Variants in LRRIQ1 observed in about 807,000 individuals in gnomAD.
The protein encoded by LRRIQ1 is leucine rich repeats and IQ motif containing 1.
LRRIQ1 carries 210 observed loss-of-function variants against 211.9 expected under a neutral mutation model. The observed-to-expected ratio is 0.99, with a 90% CI of 0.89 to 1.11. LRRIQ1 has a LOEUF of 1.11. Ranked by LOEUF, LRRIQ1 falls within the 50% of genes most tolerant of loss-of-function variation. LRRIQ1 has a pLI of 0.00. For missense variants in LRRIQ1, 2,136 were observed against 1,939.5 expected (o/e 1.10, Z -1.90); for synonymous variants, 699 against 650.1 (o/e 1.08, Z -1.14).
intron 3 of LRRIQ1, among the ~76,000 whole-genome samples, chr12:85,042,326 A>G (rs546972453): frequency 1.3e-5 from 2 of 150,910 alleles, no homozygotes; most frequent in Admixed American, 1.3e-4. Context: ...GAATAAAGTA[A>G]TTTTCCCAGA....
intron 14 of LRRIQ1, 119 bp from the exon 15 acceptor site, chr12:85,106,383 AAAGCATATAGCATTCTGCAG>A: frequency 1.7e-6 from 1 of 605,078 alleles, no homozygotes; most frequent in South Asian, 2.3e-5. Flanking sequence ...TCTTCTTTAA[AAAGCATATAGCATTCTGCAG>A]AAGAAATAAA....
chr12:85,068,890 G>T (rs1349886445), intron 10 of LRRIQ1, among the ~76,000 whole-genome samples: 1 of 149,978 alleles, frequency 6.7e-6, no homozygotes, highest in Non-Finnish European at 1.5e-5. Context: ...TAGTTTCAAT[G>T]AAATTGTTTC....
rs111406937 is a variant in LRRIQ1 at position 85,051,602 on chromosome 12, T to A, written c.679-575T>A. Among the ~76,000 whole-genome samples, 587 of 152,298 alleles carry A rather than the reference T, an allele frequency of 3.9e-3. 4 individuals are homozygous for A. Among genetic ancestry groups the A allele is most frequent in the African/African-American group, 0.013 (544 of 41,554 alleles). On this transcript the variant is annotated intron_variant, in intron 6 of 26. Coordinates refer to ENST00000393217, the MANE Select transcript of LRRIQ1 (RefSeq NM_001079910.2). ...ATCTAATTATCATGCCCATTATTAT[T>A]TTTTATATTTTTCTCTTGCAATAAA...
At position 85,194,499 on chromosome 12, in the gene LRRIQ1, A is replaced by G. The variant is rs1203248515; in HGVS notation, c.4822+33785A>G. Among the ~76,000 whole-genome samples the G allele has an allele frequency of 2.0e-5, 3 of 150,510 alleles. No homozygotes were observed. In the East Asian group the frequency reaches 5.8e-4, roughly 29 times the overall value. On this transcript the variant is annotated intron_variant, in intron 24 of 26. Transcript: ENST00000393217. ...TCTCAGACCACAGTGCAATCAAACTAGAACTCAGGATTAAGAATCTCACTC... is the reference window on the plus strand; with the variant it reads ...TCTCAGACCACAGTGCAATCAAACTGGAACTCAGGATTAAGAATCTCACTC...
intron 24 of LRRIQ1, among the ~76,000 whole-genome samples, chr12:85,211,418 A>G (rs1893830861): frequency 6.6e-6 from 1 of 152,130 alleles, no homozygotes; most frequent in Non-Finnish European, 1.5e-5. Context: ...ATATTTTAGG[A>G]CTGCAATAAT....
intron 19 of LRRIQ1, among the ~76,000 whole-genome samples, chr12:85,144,091 G>A (rs1347215156): frequency 6.6e-6 from 1 of 151,480 alleles, no homozygotes; most frequent in Admixed American, 6.6e-5. Context: ...GTAGGCCCCA[G>A]TGTCTGTTGT....
intron 19 of LRRIQ1, among the ~76,000 whole-genome samples, chr12:85,139,261 A>G (rs1889353113): frequency 6.6e-6 from 1 of 151,472 alleles, no homozygotes; most frequent in South Asian, 2.1e-4. Flanking sequence ...GCTATGTAAC[A>G]AAAAGGGCAT....
intron 11 of LRRIQ1, among the ~76,000 whole-genome samples, chr12:85,081,618 T>C (rs1592756895): frequency 6.6e-6 from 1 of 152,252 alleles, no homozygotes; most frequent in Admixed American, 6.5e-5. Context: ...GGATTTTAAA[T>C]GTATTTTTAT....
chr12:85,090,404 C>A (rs1036851948), intron 11 of LRRIQ1, among the ~76,000 whole-genome samples: 1 of 152,156 alleles, frequency 6.6e-6, no homozygotes, highest in Admixed American at 6.5e-5. Flanking sequence ...GCAGCTTGCA[C>A]CTTGCATCCA....
downstream of LRRIQ1, among the ~76,000 whole-genome samples, chr12:85,246,355 A>G (rs1895716946): frequency 6.6e-6 from 1 of 151,290 alleles, no homozygotes; most frequent in Non-Finnish European, 1.5e-5. Flanking sequence ...AGCCTGTGTC[A>G]ATATATATTA....
intron 1 of LRRIQ1, among the ~76,000 whole-genome samples, chr12:85,254,206 T>C (rs1255816767): frequency 6.6e-6 from 1 of 152,090 alleles, no homozygotes; most frequent in East Asian, 1.9e-4. Flanking sequence ...GCAGATGCCA[T>C]CATGCTTCCT....
In LRRIQ1 at chr12:85,056,220, C is replaced by G; in HGVS notation, c.1427C>G (p.Ala476Gly). ...KESISSQTIL[A>G]DFKMEEKNEN... is the part of the protein sequence containing the mutation. ...TCTATATCAAGCCAAACAATTCTGGCAGATTTTAAAATGGAAGAAAAAAAT... is the reference window on the plus strand; with the variant it reads ...TCTATATCAAGCCAAACAATTCTGGGAGATTTTAAAATGGAAGAAAAAAAT... Residue 476 changes from alanine (A) to glycine (G), a missense_variant, in exon 8 of 27, where the codon GCA becomes GGA. Transcript: ENST00000393217. 1 of 1,569,134 alleles carries G rather than the reference C, an allele frequency of 6.4e-7. No homozygotes were observed. Among genetic ancestry groups the G allele is most frequent in the Non-Finnish European group, 8.6e-7 (1 of 1,167,240 alleles).
At chr12:85,233,382 CAGAGA>C (rs1895039132) in intron 26 of LRRIQ1, among the ~76,000 whole-genome samples, 2 of 151,616 alleles carry the variant, frequency 1.3e-5, no homozygotes, top group Admixed American at 6.6e-5. Context: ...TAGAAATTTC[CAGAGA>C]AGAGAGTATT....
intron 24 of LRRIQ1, among the ~76,000 whole-genome samples, chr12:85,227,877 A>C (rs1452040087): frequency 1.3e-5 from 2 of 152,170 alleles, no homozygotes; most frequent in Admixed American, 6.5e-5. Flanking sequence ...ACACATCTAC[A>C]ACCATCTGAT....
chr12:85,261,882 C>T (rs1042447744), intron 1 of LRRIQ1, among the ~76,000 whole-genome samples: 1 of 151,876 alleles, frequency 6.6e-6, no homozygotes, highest in Non-Finnish European at 1.5e-5. Flanking sequence ...CCTCCGCCTC[C>T]CAGGTTCAAG....
At chr12:85,227,925 G>A (rs978612961) in intron 24 of LRRIQ1, among the ~76,000 whole-genome samples, 23 of 152,154 alleles carry the variant, frequency 1.5e-4, no homozygotes, top group Admixed American at 1.3e-3. Flanking sequence ...ATGGGGAAAA[G>A]ATTCCCTATT....
intron 15 of LRRIQ1, among the ~76,000 whole-genome samples, chr12:85,111,941 TATATACAC>T (rs1565840887): frequency 1.7e-5 from 2 of 114,704 alleles, no homozygotes; most frequent in African/African-American, 3.2e-5. Context: ...ATTTTATATA[TATATACAC>T]ACACACACAC....
chr12:85,124,605 G>A, intron 17 of LRRIQ1, 86 bp downstream of exon 17: 1 of 1,025,168 alleles, frequency 9.8e-7, no homozygotes, highest in Admixed American at 2.1e-5. Flanking sequence ...CTAGTAATTT[G>A]CTGAAGGATT....
chr12:85,250,813 A>C (rs1895890026), intron 1 of LRRIQ1, among the ~76,000 whole-genome samples: 1 of 117,640 alleles, frequency 8.5e-6, no homozygotes. Context: ...ATTATATTAT[A>C]TATAATATAT....
Sources: allele counts gnomAD v4.1 joint callset (sites outside exome capture counted in the v4.1 genomes callset), GRCh38; gene constraint gnomAD v4.1.1; transcripts MANE v1.5; gene names NCBI Gene and HGNC (gene_info 2026-07-23, HGNC 2026-07-21).